The following RNF31 variants were observed in gnomAD, a reference collection of about 807,000 sequenced individuals.
RNF31 encodes ring finger protein 31.
RNF31 carries 38 observed loss-of-function variants against 133.6 expected under a neutral mutation model. The ratio of observed to expected loss-of-function variants is 0.28; its 90% CI spans 0.22 to 0.37. RNF31 has a LOEUF of 0.37. RNF31 is among the 10% of genes least tolerant of loss of function. The pLI, the probability that RNF31 is intolerant of heterozygous loss-of-function variation, is 1.00. For synonymous variants in RNF31, 582 were observed against 552.3 expected, an observed-to-expected ratio of 1.05 and a Z score of -0.75; for missense variants, 1,118 against 1,394.1, an observed-to-expected ratio of 0.80 and a Z score of 3.15.
In RNF31 at chr14:24,150,139, T is replaced by C. The variant is rs754126363; in HGVS notation, c.888T>C (p.Asn296=). Residue 296 remains asparagine (N), a synonymous_variant, in exon 7 of 21, where the codon AAT becomes AAC. Transcript: ENST00000324103. ...GAGACAGCTCTCTTTCTTCCCCTAATCCTGCAAGTGCTCATTTGCCCTGGC... is the reference window on the plus strand; with the variant it reads ...GAGACAGCTCTCTTTCTTCCCCTAACCCTGCAAGTGCTCATTTGCCCTGGC... The part of the protein sequence containing the change: ...ALGDSSLSSP[N]PASAHLPWHC... The C allele has an allele frequency of 1.9e-6, 3 of 1,612,622 alleles. No individual in the cohort carries two copies. The African/African-American group carries it at 4.0e-5, about 22-fold the overall frequency.
chr14:24,160,283 C>T lies in RNF31; in HGVS notation c.3041C>T (p.Ser1014Leu), dbSNP rs752325711. 5.6e-6 allele frequency: 9 copies of T among 1,614,146 alleles called. No homozygotes were observed. Among genetic ancestry groups the T allele is most frequent in the Middle Eastern group, 1.6e-4 (1 of 6,062 alleles). ...EYLVSLINAH[S>L]LDPATLYEVE... ...CTTGTGAGCCTCATCAATGCCCACTCGCTGGACCCAGCCACCTTGTATGAG... is the reference window on the plus strand; with the variant it reads ...CTTGTGAGCCTCATCAATGCCCACTTGCTGGACCCAGCCACCTTGTATGAG... Residue 1014 changes from serine to leucine, a missense_variant, in exon 20 of 21, where the codon TCG becomes TTG. By Grantham distance (145) the Ser-to-Leu change is moderately radical (BLOSUM62 -2). This residue lies in a region of RNF31 where 170 missense variants were observed against 194.5 expected (regional missense o/e 0.87). Transcript: ENST00000324103. This position sits in a 1 kb window ranked among gnomAD's most constrained non-coding sequence, Gnocchi z 4.0.
Position 24,148,410 on chromosome 14 carries a change from G to GCAGGTGAGATGCT in RNF31, c.494_495+11dup. 1 of 1,613,798 alleles carries GCAGGTGAGATGCT rather than the reference G, an allele frequency of 6.2e-7. No individual in the cohort carries two copies. Among genetic ancestry groups the GCAGGTGAGATGCT allele is most frequent in the Non-Finnish European group, 8.5e-7 (1 of 1,179,992 alleles). On this transcript the variant is annotated frameshift_variant, in exon 3 of 21. Coordinates refer to ENST00000324103, the MANE Select transcript of RNF31 (RefSeq NM_017999.5). LOFTEE classifies it high-confidence loss of function. ...TTCGGACAGAGCTCAGCCTGCTATT[G>GCAGGTGAGATGCT]CAGGTGAGATGCTCCTCTAGTCTTG...
At chr14:24,159,352 CAAAAAAAAA>C (rs777764741) in intron 18 of RNF31, among the ~76,000 whole-genome samples, 3 of 54,338 alleles carry the variant, frequency 5.5e-5, no homozygotes, top group Non-Finnish European at 1.2e-4. Context: ...AACTCCATCT[CAAAAAAAAA>C]AAAAAAAAAA....
rs375339255 is a variant in RNF31 at position 24,157,312 on chromosome 14, G to A, written c.2516G>A (p.Arg839Gln). ...KRQWEEQHRG[R>Q]SCEDFQNWKR... is the part of the protein sequence containing the mutation. ...CAGTGGGAGGAGCAGCACCGAGGTC[G>A]GAGCTGTGAGGACTTCCAGAACTGG... The change falls in exon 15 of 21, where the codon CGG becomes CAG. Residue 839 changes from arginine (R) to glutamine (Q), a missense_variant. Transcript: ENST00000324103. 73 of 1,610,308 alleles carry A rather than the reference G, an allele frequency of 4.5e-5. 1 individual carries two copies. Among genetic ancestry groups the A allele is most frequent in the Admixed American group, 3.8e-4 (23 of 59,870 alleles).
intron 14 of RNF31, 103 bp from the exon 15 acceptor site, chr14:24,157,187 A>G (rs1434277720): frequency 6.2e-6 from 5 of 806,966 alleles, no homozygotes; most frequent in Non-Finnish European, 7.9e-6. Context: ...TGGCAGTGAC[A>G]TAAACCAAGC....
Position 24,159,931 on chromosome 14 carries a change from A to G in RNF31, c.2967A>G (p.Glu989=), listed in dbSNP as rs775572476. 3 of 1,614,050 alleles carry G rather than the reference A, an allele frequency of 1.9e-6. No homozygotes were observed. Among genetic ancestry groups the G allele is most frequent in the Non-Finnish European group, 2.5e-6 (3 of 1,180,030 alleles). The change falls in exon 19 of 21, where the codon GAA becomes GAG. Residue 989 remains glutamate, a synonymous_variant. Coordinates refer to ENST00000324103, the MANE Select transcript of RNF31 (RefSeq NM_017999.5). ...TCAGGGACGAAGCTTGTGGCAAGGA[A>G]ACTCCAGCTGGCTATGCCGGCCTGT... ...NGLRDEACGK[E]TPAGYAGLCQ...
At chr14:24,149,935 GAGAC>G in intron 6 of RNF31, 122 bp from the exon 7 acceptor site, 1 of 1,186,696 alleles carries the variant, frequency 8.4e-7, no homozygotes, top group Non-Finnish European at 1.2e-6. Flanking sequence ...AGGAGTATTC[GAGAC>G]AGACAATGTG....
At position 24,160,632 on chromosome 14, in the gene RNF31, C is replaced by G. The variant is rs2038434702; in HGVS notation, c.*59C>G. On this transcript the variant is annotated 3_prime_UTR_variant, in exon 21 of 21. Coordinates refer to ENST00000324103, the MANE Select transcript of RNF31 (RefSeq NM_017999.5). The surrounding 1 kb of genome is among the most constrained non-coding windows in gnomAD (Gnocchi z 4.0). ...CCTGCTCCCTCAGGAACAGCTCCAG[C>G]ACCAATAAAGAGGCATCTTACCACC... is the stretch of plus-strand genomic sequence containing the variant. 7.4e-7 allele frequency: 1 copy of G among 1,343,540 alleles called. No individual in the cohort carries two copies. Among genetic ancestry groups the G allele is most frequent in the Non-Finnish European group, 9.9e-7 (1 of 1,011,078 alleles). 83.2% of individuals were successfully genotyped at this position (1,343,540 alleles called of 1,614,324 possible).
intron 6 of RNF31, among the ~76,000 whole-genome samples, 192 bp downstream of exon 6, chr14:24,149,775 T>C (rs373856065): frequency 6.6e-6 from 1 of 152,214 alleles, no homozygotes. Context: ...GTTATGGTAA[T>C]AGGTGGTTTG....
chr14:24,148,575 A>C, intron 3 of RNF31, 67 bp from the exon 4 acceptor site: 1 of 1,588,854 alleles, frequency 6.3e-7, no homozygotes, highest in East Asian at 2.2e-5. Flanking sequence ...TTAAGGGACC[A>C]GGGCTTAGAG....
intron 16 of RNF31, 41 bp downstream of exon 16, chr14:24,157,679 G>A: frequency 1.3e-6 from 2 of 1,560,432 alleles, no homozygotes; most frequent in South Asian, 2.2e-5. Flanking sequence ...AGGGTGGGGG[G>A]TGCCATTGGC....
intron 6 of RNF31, 63 bp from the exon 7 acceptor site, chr14:24,149,998 A>C (rs2038238166): frequency 6.6e-7 from 1 of 1,506,548 alleles, no homozygotes; most frequent in Non-Finnish European, 8.8e-7. Flanking sequence ...GAGAATGCTT[A>C]GAGGTGAGGG....
Position 24,160,202 on chromosome 14 carries a change from C to T in RNF31, c.2997-37C>T. 1 of 1,588,852 alleles carries T rather than the reference C, an allele frequency of 6.3e-7. No individual in the cohort carries two copies. The highest frequency in any genetic ancestry group is 8.6e-7 in the Non-Finnish European group (1 of 1,166,810). On this transcript the variant is annotated intron_variant, in intron 19 of 20. Transcript: ENST00000324103. This position sits in a 1 kb window ranked among gnomAD's most constrained non-coding sequence, Gnocchi z 4.0. ...GTTAGACACACTCAGTTAATATTAG[C>T]CAACACAACAAATATTCTGCTCCCT...
chr14:24,152,030 T>C (rs924066465), intron 11 of RNF31, 38 bp downstream of exon 11: 4 of 1,584,162 alleles, frequency 2.5e-6, no homozygotes, highest in African/African-American at 2.7e-5. Flanking sequence ...CAAGAATTAC[T>C]CTATTCTTTT....
chr14:24,151,815 C>T lies in RNF31; in HGVS notation c.1953C>T (p.Tyr651=), dbSNP rs748941987. The part of the protein sequence containing the change: ...QSLVRRLLAV[Y]ALPSWGRAEL... Reference sequence around the variant, plus strand: ...TGGTCAGGCGGCTTTTGGCAGTCTACGCACTCCCCAGCTGGGGCCGGGCAG... The same window carrying T: ...TGGTCAGGCGGCTTTTGGCAGTCTATGCACTCCCCAGCTGGGGCCGGGCAG... Residue 651 remains tyrosine, a synonymous_variant, in exon 11 of 21, where the codon TAC becomes TAT. Coordinates refer to ENST00000324103, the MANE Select transcript of RNF31 (RefSeq NM_017999.5). The surrounding 1 kb of genome is among the most constrained non-coding windows in gnomAD (Gnocchi z 5.3). 9.3e-6 allele frequency: 15 copies of T among 1,612,856 alleles called. No individual in the cohort carries two copies. The highest frequency in any genetic ancestry group is 3.3e-5 in the Admixed American group (2 of 59,946).
At chr14:24,150,990 G>A in intron 8 of RNF31, 102 bp downstream of exon 8, 3 of 1,496,658 alleles carry the variant, frequency 2.0e-6, no homozygotes, top group South Asian at 1.3e-5. Flanking sequence ...GTTAGCAGCA[G>A]CTGCCTGTTA....
Position 24,148,768 on chromosome 14 carries a change from A to C in RNF31, c.556-33A>C, listed in dbSNP as rs141341583. 3.5e-5 allele frequency: 57 copies of C among 1,613,766 alleles called. No homozygotes were observed. The East Asian group carries it at 1.2e-3, about 35-fold the overall frequency. ...GAATTGTGAGACTCTGTGTCCCTAA[A>C]CCCTTATTCATTCCCTGCCCTTTCT... On this transcript the variant is annotated intron_variant, in intron 4 of 20. Transcript: ENST00000324103.
chr14:24,147,894 A>C lies in RNF31; in HGVS notation c.192+4A>C. On this transcript the variant is annotated splice_donor_region_variant and intron_variant, in intron 1 of 20. Coordinates refer to ENST00000324103, the MANE Select transcript of RNF31 (RefSeq NM_017999.5). Reference sequence around the variant, plus strand: ...CCGCTGCAACGCTCATGGGGAGGTGAGGCCCGGCCCCGCTTGGAAGGGGGA... The same window carrying C: ...CCGCTGCAACGCTCATGGGGAGGTGCGGCCCGGCCCCGCTTGGAAGGGGGA... 2 of 1,612,104 alleles carry C rather than the reference A, an allele frequency of 1.2e-6. No homozygotes were observed.
Position 24,155,801 on chromosome 14 carries a change from G to T in RNF31, c.2493+109G>T. 1 of 894,150 alleles carries T rather than the reference G, an allele frequency of 1.1e-6. No individual in the cohort carries two copies. Among genetic ancestry groups the T allele is most frequent in the Non-Finnish European group, 1.8e-6 (1 of 552,346 alleles). The allele number at this position is 894,150 out of a possible 1,614,324, so 55.4% of individuals were successfully genotyped here. A position where few individuals can be genotyped will look rare whatever the true frequency, so the allele number is the denominator to read the frequency against. ...GAGCAAAACAGACATGAGCTCTGAG[G>T]TCAAAAGAGCTTACAGACTACTCAG... On this transcript the variant is annotated intron_variant, in intron 14 of 20. Transcript: ENST00000324103. The surrounding 1 kb of genome is among the most constrained non-coding windows in gnomAD (Gnocchi z 4.9).
Sources: allele counts gnomAD v4.1 joint callset (sites outside exome capture counted in the v4.1 genomes callset), GRCh38; gene constraint gnomAD v4.1.1; regional missense constraint gnomAD v4.1.1; non-coding constraint Gnocchi (gnomAD v3.1); transcripts MANE v1.5; gene names NCBI Gene and HGNC (gene_info 2026-07-23, HGNC 2026-07-21).